CCDC6: variants seen among roughly 807,000 people sequenced by gnomAD.
The protein encoded by CCDC6 is coiled-coil domain containing 6, also known as coiled-coil domain-containing protein 6.
In CCDC6, 20 loss-of-function variants were observed where a neutral mutation model predicts 56.6. That is an observed-to-expected ratio of 0.35 (90% CI 0.25 to 0.51). The LOEUF (loss-of-function observed/expected upper bound fraction) is 0.51, where lower values mean the gene tolerates loss of function less well. CCDC6 is among the 20% of genes least tolerant of loss of function. The probability of loss-of-function intolerance (pLI) is 0.95; values close to 1 mark genes in which losing one functional copy is unlikely to be tolerated. For synonymous variants in CCDC6, 241 were observed against 234.4 expected (o/e 1.03, Z -0.26); for missense variants, 367 against 601.1 (o/e 0.61, Z 4.07).
At chr10:59,865,470 C>T (rs556617383) in intron 1 of CCDC6, among the ~76,000 whole-genome samples, 2 of 152,212 alleles carry the variant, frequency 1.3e-5, no homozygotes, top group Admixed American at 1.3e-4. Context: ...TTAAAAACAA[C>T]AAAACAAAAT....
intron 6 of CCDC6, 150 bp from the exon 7 acceptor site, chr10:59,804,670 G>A (rs1210830613): frequency 1.7e-6 from 1 of 605,666 alleles, no homozygotes; most frequent in African/African-American, 1.9e-5. Context: ...TTTATAAAAT[G>A]GACTCCTGAG....
chr10:59,905,680 C>T (rs1376151782), intron 1 of CCDC6, among the ~76,000 whole-genome samples: 1 of 152,186 alleles, frequency 6.6e-6, no homozygotes, highest in Non-Finnish European at 1.5e-5. Flanking sequence ...GCTGCGAACC[C>T]CCACACTCCG....
intron 6 of CCDC6, 157 bp downstream of exon 6, chr10:59,806,765 T>C (rs905767564): frequency 5.8e-6 from 3 of 512,994 alleles, no homozygotes; most frequent in African/African-American, 5.7e-5. Context: ...CTTTATCCCA[T>C]TCTTGGCATC....
At position 59,789,450 on chromosome 10, in the gene CCDC6, A is replaced by T. The variant is rs940676712; in HGVS notation, c.*3467T>A. On this transcript the variant is annotated 3_prime_UTR_variant, in exon 9 of 9. Transcript: ENST00000263102. Reference sequence around the variant, plus strand: ...TTTTAATCAAAAAATTAAAGAAGAAAAAAAAACCCTAAAAAACAAAGAAAA... The same window carrying T: ...TTTTAATCAAAAAATTAAAGAAGAATAAAAAACCCTAAAAAACAAAGAAAA... 8.6e-6 allele frequency: 2 copies of T among 232,294 alleles called. No individual in the cohort carries two copies. Among genetic ancestry groups the T allele is most frequent in the Non-Finnish European group, 1.7e-5 (2 of 117,494 alleles). 14.4% of individuals were successfully genotyped at this position (232,294 alleles called of 1,614,324 possible).
At chr10:59,851,634 A>AT (rs1204782416) in intron 2 of CCDC6, among the ~76,000 whole-genome samples, 1 of 152,156 alleles carries the variant, frequency 6.6e-6, no homozygotes, top group Admixed American at 6.5e-5. Flanking sequence ...ACTTAGGAAG[A>AT]TTTTTTAAAA....
chr10:59,891,890 C>T (rs958552701), intron 1 of CCDC6, among the ~76,000 whole-genome samples: 1 of 152,186 alleles, frequency 6.6e-6, no homozygotes, highest in East Asian at 1.9e-4. Flanking sequence ...AAAGCATGCT[C>T]CTCAATCTTC....
At chr10:59,847,465 A>G (rs1475970860) in intron 2 of CCDC6, among the ~76,000 whole-genome samples, 3 of 152,156 alleles carry the variant, frequency 2.0e-5, no homozygotes, top group South Asian at 4.1e-4. Flanking sequence ...TGATTATACT[A>G]GTTCTTAATG....
chr10:59,849,651 GC>G (rs2071021450), intron 2 of CCDC6, among the ~76,000 whole-genome samples: 1 of 152,140 alleles, frequency 6.6e-6, no homozygotes, highest in South Asian at 2.1e-4. Flanking sequence ...CCTCTCAGTG[GC>G]CTTTGGGTGA....
intron 3 of CCDC6, among the ~76,000 whole-genome samples, chr10:59,816,691 T>C (rs2070711831): frequency 6.6e-6 from 1 of 152,246 alleles, no homozygotes; most frequent in Admixed American, 6.5e-5. Flanking sequence ...TCAACACTTT[T>C]TGGCTATGAT....
intron 1 of CCDC6, among the ~76,000 whole-genome samples, chr10:59,860,609 A>G (rs745676240): frequency 6.6e-6 from 1 of 152,206 alleles, no homozygotes; most frequent in Non-Finnish European, 1.5e-5. Flanking sequence ...GTATAAGGTA[A>G]CAGCAGTTCA....
chr10:59,812,223 A>G (rs2070680091), intron 5 of CCDC6, among the ~76,000 whole-genome samples: 1 of 152,220 alleles, frequency 6.6e-6, no homozygotes, highest in African/African-American at 2.4e-5. Context: ...CTCTTCAAAT[A>G]GCATGAACAA....
intron 1 of CCDC6, among the ~76,000 whole-genome samples, chr10:59,889,977 A>C (rs145877254): frequency 1.2e-3 from 183 of 151,826 alleles, no homozygotes; most frequent in African/African-American, 4.3e-3. Flanking sequence ...TTCTCTCTCA[A>C]CTCCACATGG....
chr10:59,798,715 C>T (rs1180561747), intron 7 of CCDC6, among the ~76,000 whole-genome samples: 1 of 152,116 alleles, frequency 6.6e-6, no homozygotes, highest in East Asian at 1.9e-4. Context: ...TAAAAGTGGG[C>T]TGGACGTGGT....
At position 59,794,463 on chromosome 10, in the gene CCDC6, G is replaced by A. The variant is rs1045381539; in HGVS notation, c.1230+10C>T. 3.7e-6 allele frequency: 6 copies of A among 1,613,598 alleles called. No individual in the cohort carries two copies. The highest frequency in any genetic ancestry group is 1.6e-4 in the Middle Eastern group (1 of 6,084). ...AGTAAAGTGCTGCTTCCTACCCCACGGACACTTACTGTGATACCATGGGAT... is the reference window on the plus strand; with the variant it reads ...AGTAAAGTGCTGCTTCCTACCCCACAGACACTTACTGTGATACCATGGGAT... On this transcript the variant is annotated intron_variant, in intron 8 of 8. Coordinates refer to ENST00000263102, the MANE Select transcript of CCDC6 (RefSeq NM_005436.5).
chr10:59,845,302 A>G (rs1015592596), intron 2 of CCDC6, among the ~76,000 whole-genome samples: 4 of 149,524 alleles, frequency 2.7e-5, no homozygotes, highest in Admixed American at 2.0e-4. Flanking sequence ...ATGTCAAAAA[A>G]GTCAGGATAG....
intron 2 of CCDC6, among the ~76,000 whole-genome samples, chr10:59,838,762 C>T (rs2070908346): frequency 6.6e-6 from 1 of 152,162 alleles, no homozygotes; most frequent in Admixed American, 6.5e-5. Context: ...TGCCAGATCA[C>T]TCTTACAGAA....
At chr10:59,872,794 A>C (rs1305226128) in intron 1 of CCDC6, among the ~76,000 whole-genome samples, 1 of 145,716 alleles carries the variant, frequency 6.9e-6, no homozygotes, top group African/African-American at 2.6e-5. Context: ...GGGTGGGGGA[A>C]GGTAACAACA....
At chr10:59,846,957 T>C (rs965922305) in intron 2 of CCDC6, among the ~76,000 whole-genome samples, 3 of 152,262 alleles carry the variant, frequency 2.0e-5, no homozygotes, top group Admixed American at 6.5e-5. Flanking sequence ...AAATCCACAA[T>C]TGCTAAAACC....
At chr10:59,890,243 T>C (rs1293713068) in intron 1 of CCDC6, among the ~76,000 whole-genome samples, 1 of 152,132 alleles carries the variant, frequency 6.6e-6, no homozygotes, top group African/African-American at 2.4e-5. Flanking sequence ...GGCAGATACC[T>C]GAGACATCCA....
Sources: gnomAD v4.1 joint callset for allele counts (sites outside exome capture counted in the v4.1 genomes callset) on GRCh38, gnomAD v4.1.1 for gene constraint, MANE v1.5 for transcripts, NCBI Gene and HGNC (gene_info 2026-07-23, HGNC 2026-07-21) for gene names.